Variants in CELF2 observed in about 807,000 individuals in gnomAD.
CELF2 encodes CUGBP Elav-like family member 2, also known as CUG triplet repeat RNA-binding protein 2.
CELF2 carries 8 observed loss-of-function variants against 62.6 expected under a neutral mutation model. The observed-to-expected ratio is 0.13, with a 90% CI of 0.07 to 0.23. CELF2 has a LOEUF of 0.23. Ranked by LOEUF, CELF2 falls within the 10% of genes least tolerant of loss-of-function variation. The pLI is 1.00. For missense variants in CELF2, 333 were observed against 671.0 expected (o/e 0.50, Z 5.56); for synonymous variants, 258 against 250.0 (o/e 1.03, Z -0.30).
At chr10:10,767,382 A>G in the CELF2 span, among the ~76,000 whole-genome samples, 5 of 152,274 alleles carry the variant, frequency 3.3e-5, no homozygotes, top group Non-Finnish European at 5.9e-5. Context: ...GTGCCTCCAG[A>G]ATGACATCCT....
chr10:10,945,496 C>T (rs1411002659), intron 2 of CELF2, among the ~76,000 whole-genome samples: 1 of 152,208 alleles, frequency 6.6e-6, no homozygotes, highest in Non-Finnish European at 1.5e-5. Flanking sequence ...TTCCAGTTTA[C>T]ACCACACTGT....
chr10:11,282,925 CA>C (rs1446221572), intron 8 of CELF2, among the ~76,000 whole-genome samples: 1 of 152,006 alleles, frequency 6.6e-6, no homozygotes, highest in East Asian at 1.9e-4. Flanking sequence ...CTCTGGTGTA[CA>C]AGCACTTAAC....
intron 1 of CELF2, among the ~76,000 whole-genome samples, chr10:11,057,668 C>G (rs1411573787): frequency 6.6e-6 from 1 of 152,102 alleles, no homozygotes; most frequent in African/African-American, 2.4e-5. Flanking sequence ...CGATGAAGTA[C>G]TTGAAGCTGG....
the CELF2 span, among the ~76,000 whole-genome samples, chr10:10,525,933 A>C: frequency 6.6e-6 from 1 of 152,230 alleles, no homozygotes; most frequent in East Asian, 1.9e-4. Flanking sequence ...ACTAGTTTAC[A>C]TCCCCACCAA....
chr10:11,108,069 C>G (rs570317755), intron 1 of CELF2, among the ~76,000 whole-genome samples: 3 of 99,120 alleles, frequency 3.0e-5, no homozygotes, highest in African/African-American at 1.3e-4. Flanking sequence ...CACTCCCTCC[C>G]TCTCCCCACT....
chr10:11,235,229 G>A (rs1471837402), intron 3 of CELF2, among the ~76,000 whole-genome samples: 1 of 152,162 alleles, frequency 6.6e-6, no homozygotes, highest in African/African-American at 2.4e-5. Flanking sequence ...CATTTCCACA[G>A]TTGTTAGAAA....
intron 1 of CELF2, among the ~76,000 whole-genome samples, chr10:11,105,789 C>G (rs2053263938): frequency 6.6e-6 from 1 of 152,224 alleles, no homozygotes. Context: ...CGCTGCATGT[C>G]CACAGAGCTT....
At chr10:11,143,049 T>C (rs1433108074) in intron 1 of CELF2, among the ~76,000 whole-genome samples, 1 of 151,704 alleles carries the variant, frequency 6.6e-6, no homozygotes, top group Non-Finnish European at 1.5e-5. Flanking sequence ...CTCCCTCCAC[T>C]GGGGGGACTC....
chr10:10,853,526 G>A (rs184096508), intron 1 of CELF2, among the ~76,000 whole-genome samples: 8 of 152,134 alleles, frequency 5.3e-5, no homozygotes, highest in East Asian at 3.9e-4. Flanking sequence ...AACTACACTC[G>A]TAGAATGGTC....
intron 2 of CELF2, among the ~76,000 whole-genome samples, chr10:11,173,520 G>A (rs1414035033): frequency 6.6e-6 from 1 of 152,174 alleles, no homozygotes; most frequent in Non-Finnish European, 1.5e-5. Context: ...ACCTTTTGAA[G>A]AAGTTTATTA....
At chr10:11,134,119 G>C (rs1197138758) in intron 1 of CELF2, among the ~76,000 whole-genome samples, 1 of 152,168 alleles carries the variant, frequency 6.6e-6, no homozygotes, top group Non-Finnish European at 1.5e-5. Context: ...AAGAGAAGAG[G>C]ATCGCCGTCC....
At chr10:10,784,765 T>C in the CELF2 span, 1 of 152,228 alleles carries the variant, frequency 6.6e-6, no homozygotes, top group Non-Finnish European at 1.5e-5. Flanking sequence ...GGAATACCTG[T>C]TCCCATTTAG....
intron 1 of CELF2, among the ~76,000 whole-genome samples, chr10:10,799,403 A>C (rs1181129763): frequency 6.6e-6 from 1 of 152,034 alleles, no homozygotes; most frequent in African/African-American, 2.4e-5. Flanking sequence ...AAAATCGCTT[A>C]AACTTAGGAG....
At chr10:11,086,610 A>AC (rs2046881790) in intron 1 of CELF2, among the ~76,000 whole-genome samples, 1 of 134,412 alleles carries the variant, frequency 7.4e-6, no homozygotes, top group Non-Finnish European at 1.6e-5. Context: ...AAAAAAAAAA[A>AC]CTCCCGACAG....
At chr10:10,660,566 C>T in the CELF2 span, among the ~76,000 whole-genome samples, 1 of 152,192 alleles carries the variant, frequency 6.6e-6, no homozygotes, top group African/African-American at 2.4e-5. Context: ...CTTAGGCACT[C>T]CCAGTATTTT....
intron 1 of CELF2, among the ~76,000 whole-genome samples, chr10:10,853,219 A>T (rs1031111748): frequency 1.3e-5 from 2 of 152,128 alleles, no homozygotes; most frequent in Admixed American, 1.3e-4. Context: ...GACCTCAGGC[A>T]ATCTGCCCAC....
intron 1 of CELF2, among the ~76,000 whole-genome samples, chr10:11,149,894 A>G (rs772880910): frequency 1.3e-5 from 2 of 152,336 alleles, no homozygotes; most frequent in Admixed American, 6.5e-5. Context: ...TTGATCTCCA[A>G]AAACCCTAAT....
chr10:10,676,390 C>T, the CELF2 span, among the ~76,000 whole-genome samples: 10 of 152,246 alleles, frequency 6.6e-5, no homozygotes, highest in Admixed American at 5.2e-4. Flanking sequence ...CACATTAGAC[C>T]GTGGTTAACT....
Position 11,268,714 on chromosome 10 carries a change from G to A in CELF2, c.619-1952G>A, listed in dbSNP as rs1219562071. Among the ~76,000 whole-genome samples, 1 of 151,422 alleles carries A rather than the reference G, an allele frequency of 6.6e-6. No individual in the cohort carries two copies. Among genetic ancestry groups the A allele is most frequent in the African/African-American group, 2.4e-5 (1 of 41,184 alleles). ...TCTTGTTTGGTTTTTTTTTTAATTG[G>A]CATTTAAATAGGAGGTTATATATTA... On this transcript the variant is annotated intron_variant, in intron 6 of 12. Transcript: ENST00000633077. The surrounding 1 kb of genome is among the most constrained non-coding windows in gnomAD (Gnocchi z 4.7).
Sources: gnomAD v4.1 joint callset for allele counts (sites outside exome capture counted in the v4.1 genomes callset) on GRCh38, gnomAD v4.1.1 for gene constraint, Gnocchi (gnomAD v3.1) non-coding constraint, MANE v1.5 for transcripts, NCBI Gene and HGNC (gene_info 2026-07-23, HGNC 2026-07-21) for gene names.